Variants in SLC41A2 observed in about 807,000 individuals in gnomAD.
SLC41A2 encodes the protein SLC41A1-like 1.
A neutral mutation model predicts 58.3 loss-of-function variants in SLC41A2; 32 were observed. The observed-to-expected ratio is 0.55, with a 90% confidence interval of 0.41 to 0.74. SLC41A2 has a LOEUF of 0.74. SLC41A2 is among the 30% of genes least tolerant of loss of function. The pLI, the probability that SLC41A2 is intolerant of heterozygous loss-of-function variation, is 0.00. For synonymous variants in SLC41A2, 190 were observed against 235.0 expected, an observed-to-expected ratio of 0.81 and a Z score of 1.75; for missense variants, 514 against 680.6, an observed-to-expected ratio of 0.76 and a Z score of 2.72.
At chr12:104,839,511 C>CT (rs371105065) in intron 10 of SLC41A2, among the ~76,000 whole-genome samples, 9,627 of 132,416 alleles carry the variant, frequency 0.073, 412 homozygotes, top group Non-Finnish European at 0.11. Flanking sequence ...TTTTTTTTTT[C>CT]TTTTTTTTTT....
intron 1 of SLC41A2, among the ~76,000 whole-genome samples, chr12:104,933,139 A>G (rs1294727504): frequency 6.6e-6 from 1 of 152,210 alleles, no homozygotes; most frequent in Non-Finnish European, 1.5e-5. Context: ...TGCAGCCCAC[A>G]AAGGACTAAT....
intron 2 of SLC41A2, 63 bp from the exon 3 acceptor site, chr12:104,909,825 A>G: frequency 8.8e-7 from 1 of 1,137,820 alleles, no homozygotes; most frequent in Non-Finnish European, 1.2e-6. Flanking sequence ...TAGAACAAAG[A>G]CATTTCTAAA....
In SLC41A2 at chr12:104,805,297, T is replaced by C. The variant is rs1351317167; in HGVS notation, c.1577A>G (p.His526Arg). ...CGGGTCCTTTCCTTTCCTCCAGAAG[T>C]GATGGACCATCCAGTCAGCAATCCA... ...LLWIADWMVHHFWRKGKDPDS... is the reference protein window; with the variant it reads ...LLWIADWMVHRFWRKGKDPDS... Residue 526 changes from histidine to arginine, a missense_variant, in exon 11 of 11, where the codon CAC (histidine) becomes CGC (arginine). Physicochemically the swap from His to Arg is conservative, Grantham distance 29. This residue lies in a region of SLC41A2 where 128 missense variants were observed against 146.0 expected (regional missense o/e 0.88). Transcript: ENST00000258538. 1 of 1,613,616 alleles carries C rather than the reference T, an allele frequency of 6.2e-7. No homozygotes were observed. Among genetic ancestry groups the C allele is most frequent in the Non-Finnish European group, 8.5e-7 (1 of 1,179,822 alleles).
intron 10 of SLC41A2, among the ~76,000 whole-genome samples, chr12:104,822,420 C>T (rs1276164745): frequency 6.6e-6 from 1 of 152,166 alleles, no homozygotes; most frequent in African/African-American, 2.4e-5. Flanking sequence ...TTACTTAAAA[C>T]TGTTTATTGA....
intron 8 of SLC41A2, among the ~76,000 whole-genome samples, chr12:104,857,977 G>A (rs980085202): frequency 1.2e-4 from 18 of 152,054 alleles, no homozygotes; most frequent in African/African-American, 3.6e-4. Context: ...TTGTGCACAT[G>A]TACCCTAGAA....
intron 10 of SLC41A2, among the ~76,000 whole-genome samples, chr12:104,811,473 T>C (rs1333961749): frequency 6.6e-6 from 1 of 152,194 alleles, no homozygotes; most frequent in Admixed American, 6.6e-5. Flanking sequence ...AATAGTATAA[T>C]AAATAGTTTA....
chr12:104,929,243 T>C (rs2046966784), intron 1 of SLC41A2, among the ~76,000 whole-genome samples: 1 of 152,220 alleles, frequency 6.6e-6, no homozygotes, highest in South Asian at 2.1e-4. Context: ...GAATACTATA[T>C]AGGGCATTTA....
intron 8 of SLC41A2, chr12:104,851,719 C>G (rs2042807057): frequency 6.6e-6 from 1 of 152,036 alleles, no homozygotes; most frequent in Admixed American, 6.6e-5. Context: ...AATTAAACTG[C>G]CTTCTGTTTA....
intron 1 of SLC41A2, among the ~76,000 whole-genome samples, chr12:104,942,316 A>G (rs1282443961): frequency 6.6e-6 from 1 of 151,960 alleles, no homozygotes; most frequent in Non-Finnish European, 1.5e-5. Flanking sequence ...CCGACTCTAC[A>G]AAAATACAAA....
intron 6 of SLC41A2, among the ~76,000 whole-genome samples, chr12:104,881,362 T>C (rs1275728199): frequency 6.6e-6 from 1 of 152,212 alleles, no homozygotes; most frequent in Non-Finnish European, 1.5e-5. Context: ...CCGCTAGCTT[T>C]TGAATGTGTT....
chr12:104,939,982 A>C (rs1203931005), intron 1 of SLC41A2, among the ~76,000 whole-genome samples: 1 of 152,100 alleles, frequency 6.6e-6, no homozygotes. Flanking sequence ...TTTTTCTTAA[A>C]GTATACCTCC....
intron 2 of SLC41A2, among the ~76,000 whole-genome samples, chr12:104,917,025 G>C (rs887656108): frequency 1.3e-4 from 19 of 150,318 alleles, no homozygotes; most frequent in Admixed American, 1.2e-3. Flanking sequence ...ACTACCATCA[G>C]AGTGAACAGG....
rs1211527207 is a variant in SLC41A2, at chr12:104,803,082, G to C, written c.*2070C>G. 8 of 152,094 alleles carry C rather than the reference G, an allele frequency of 5.3e-5. No individual in the cohort carries two copies. The highest frequency in any genetic ancestry group is 1.9e-4 in the African/African-American group (8 of 41,412). The allele number at this position is 152,094 out of a possible 1,614,324, so 9.4% of individuals were successfully genotyped here. On this transcript the variant is annotated 3_prime_UTR_variant, in exon 11 of 11. Coordinates refer to ENST00000258538, the MANE Select transcript of SLC41A2 (RefSeq NM_001352171.3). ...AATGATATTGTGTGTTTGTGCACTG[G>C]AATGTGTAATATAATAAAGTTGTTG... is the stretch of plus-strand genomic sequence containing the variant.
chr12:104,854,220 A>C (rs763374493), intron 8 of SLC41A2, among the ~76,000 whole-genome samples: 11 of 152,118 alleles, frequency 7.2e-5, no homozygotes, highest in Non-Finnish European at 1.0e-4. Flanking sequence ...TAGAAAAAAA[A>C]ATTGATTCAA....
chr12:104,951,937 T>C (rs1183174718), intron 1 of SLC41A2, among the ~76,000 whole-genome samples: 1 of 152,030 alleles, frequency 6.6e-6, no homozygotes, highest in East Asian at 1.9e-4. Flanking sequence ...AAATGATTTC[T>C]GGATTGGCTG....
At chr12:104,880,208 AT>A (rs1443742222) in intron 6 of SLC41A2, among the ~76,000 whole-genome samples, 2 of 151,994 alleles carry the variant, frequency 1.3e-5, no homozygotes, top group East Asian at 3.9e-4. Context: ...GCTTAAGGAG[AT>A]TTGGGGCAGA....
At chr12:104,953,275 G>C (rs1310095732) in intron 1 of SLC41A2, among the ~76,000 whole-genome samples, 1 of 152,192 alleles carries the variant, frequency 6.6e-6, no homozygotes, top group Non-Finnish European at 1.5e-5. Flanking sequence ...TGGTGAATTA[G>C]TTCCTAGGCT....
intron 1 of SLC41A2, among the ~76,000 whole-genome samples, chr12:104,957,574 C>T (rs1488343528): frequency 1.3e-5 from 2 of 152,240 alleles, no homozygotes; most frequent in Non-Finnish European, 2.9e-5. Flanking sequence ...GTAATATACA[C>T]ATCAATGTAT....
chr12:104,926,527 G>A (rs2046846931), intron 2 of SLC41A2, among the ~76,000 whole-genome samples: 1 of 151,760 alleles, frequency 6.6e-6, no homozygotes, highest in Non-Finnish European at 1.5e-5. Flanking sequence ...GGTGGAGATT[G>A]CAGTGAGCCA....
Sources: gnomAD v4.1 joint callset for allele counts (sites outside exome capture counted in the v4.1 genomes callset) on GRCh38, gnomAD v4.1.1 for gene constraint, gnomAD v4.1.1 regional missense constraint, MANE v1.5 for transcripts, NCBI Gene and HGNC (gene_info 2026-07-23, HGNC 2026-07-21) for gene names.